COMMD1: variants seen among roughly 807,000 people sequenced by gnomAD.
COMMD1 encodes the protein COMM domain-containing protein 1.
A neutral mutation model predicts 17.2 loss-of-function variants in COMMD1; 10 were observed. That is an observed-to-expected ratio of 0.58 (90% CI 0.36 to 0.99). The LOEUF (loss-of-function observed/expected upper bound fraction) is 0.99, where lower values mean the gene tolerates loss of function less well. COMMD1 is among the 50% of genes least tolerant of loss of function. The pLI, the probability that COMMD1 is intolerant of heterozygous loss-of-function variation, is 0.01. For synonymous variants in COMMD1, 97 were observed against 91.6 expected (o/e 1.06, Z -0.34); for missense variants, 270 against 231.8 (o/e 1.17, Z -1.07).
chr2:62,063,132 G>T (rs1407397942), intron 2 of COMMD1, among the ~76,000 whole-genome samples: 2 of 152,170 alleles, frequency 1.3e-5, no homozygotes, highest in East Asian at 1.9e-4. Flanking sequence ...CAGGAGAATC[G>T]CTTGAACCCA....
chr2:62,105,652 C>G (rs1451968924), intron 2 of COMMD1, among the ~76,000 whole-genome samples: 1 of 152,108 alleles, frequency 6.6e-6, no homozygotes. Flanking sequence ...GGCAAACCCC[C>G]GTGTCTACTA....
chr2:61,889,994 A>C (rs2105150243), intron 1 of COMMD1, among the ~76,000 whole-genome samples: 1 of 152,318 alleles, frequency 6.6e-6, no homozygotes, highest in East Asian at 1.9e-4. Flanking sequence ...AGTAGATAGA[A>C]GCAGTATTCC....
At chr2:61,917,698 T>C (rs958401045) in intron 1 of COMMD1, among the ~76,000 whole-genome samples, 2 of 152,084 alleles carry the variant, frequency 1.3e-5, no homozygotes, top group African/African-American at 4.8e-5. Flanking sequence ...CGGCTAATTT[T>C]GTTTTTGCAT....
At chr2:62,086,828 A>G (rs1173635024) in intron 2 of COMMD1, among the ~76,000 whole-genome samples, 2 of 152,042 alleles carry the variant, frequency 1.3e-5, no homozygotes, top group Non-Finnish European at 2.9e-5. Flanking sequence ...ACAGCAATAT[A>G]ATATTGGAAG....
chr2:62,101,956 GTCAGCCTAT>G (rs1431506173), intron 2 of COMMD1, among the ~76,000 whole-genome samples: 59 of 152,168 alleles, frequency 3.9e-4, no homozygotes, highest in African/African-American at 1.4e-3. Context: ...CTCCCTGAAG[GTCAGCCTAT>G]AGTACTGAAA....
chr2:62,127,447 G>A (rs552082570), intron 2 of COMMD1, among the ~76,000 whole-genome samples: 4 of 152,108 alleles, frequency 2.6e-5, no homozygotes, highest in African/African-American at 9.7e-5. Flanking sequence ...GAACAAAGCC[G>A]AAGATATCAT....
intron 2 of COMMD1, among the ~76,000 whole-genome samples, chr2:62,048,423 C>G (rs1028906763): frequency 6.6e-6 from 1 of 151,776 alleles, no homozygotes; most frequent in Non-Finnish European, 1.5e-5. Context: ...CTCCTGACCT[C>G]GTGATCCGCC....
chr2:61,915,843 T>G (rs1290424629), intron 1 of COMMD1: 1 of 301,194 alleles, frequency 3.3e-6, no homozygotes, highest in African/African-American at 2.3e-5. Context: ...TTTTTTTGAT[T>G]ATTAAAAATA....
intron 2 of COMMD1, among the ~76,000 whole-genome samples, chr2:62,059,891 T>C (rs997221135): frequency 5.3e-5 from 8 of 152,270 alleles, no homozygotes; most frequent in African/African-American, 1.9e-4. Context: ...TATTTTGCTT[T>C]CTGTTTTTAT....
intron 2 of COMMD1, among the ~76,000 whole-genome samples, chr2:62,075,966 C>A (rs1422981935): frequency 6.6e-6 from 1 of 152,202 alleles, no homozygotes; most frequent in Non-Finnish European, 1.5e-5. Context: ...AGTTCCTAGA[C>A]CTTTTTCTCT....
chr2:62,042,669 G>C (rs1670264278), intron 2 of COMMD1, among the ~76,000 whole-genome samples: 1 of 152,246 alleles, frequency 6.6e-6, no homozygotes, highest in Non-Finnish European at 1.5e-5. Flanking sequence ...GCGACGGGCT[G>C]AAGGGCTCCT....
intron 1 of COMMD1, among the ~76,000 whole-genome samples, chr2:61,921,367 A>C (rs1286895358): frequency 1.3e-5 from 2 of 152,226 alleles, no homozygotes; most frequent in East Asian, 1.9e-4. Flanking sequence ...TCATTTACAG[A>C]AATATTGAAT....
intron 1 of COMMD1, among the ~76,000 whole-genome samples, chr2:61,916,710 A>G (rs146872909): frequency 6.4e-4 from 97 of 152,304 alleles, no homozygotes; most frequent in Non-Finnish European, 1.1e-3. Flanking sequence ...TACAGGCATA[A>G]GCCACCATGT....
chr2:61,951,965 G>A (rs1009010511), intron 1 of COMMD1, among the ~76,000 whole-genome samples: 1 of 152,106 alleles, frequency 6.6e-6, no homozygotes, highest in African/African-American at 2.4e-5. Flanking sequence ...TGTATCAATA[G>A]TTCATTCCTT....
chr2:61,968,763 GC>G (rs1413146954), intron 1 of COMMD1, among the ~76,000 whole-genome samples: 1 of 151,850 alleles, frequency 6.6e-6, no homozygotes, highest in Admixed American at 6.6e-5. Context: ...TCTCCATGTT[GC>G]CCAGGCTGGT....
chr2:62,005,404 C>T (rs1669083342), intron 2 of COMMD1, among the ~76,000 whole-genome samples: 1 of 152,150 alleles, frequency 6.6e-6, no homozygotes, highest in African/African-American at 2.4e-5. Context: ...TTCAGTTTGT[C>T]TGTATTACTT....
chr2:62,013,894 C>T lies in COMMD1; in HGVS notation c.462+12912C>T, dbSNP rs532894360. On this transcript the variant is annotated intron_variant, in intron 2 of 2. Coordinates refer to ENST00000311832, the MANE Select transcript of COMMD1 (RefSeq NM_152516.4). ...GAAAAATATGAAAGAAATCATTTAACATTTGGCAGTTAAGAAGATGTTGTT... is the reference window on the plus strand; with the variant it reads ...GAAAAATATGAAAGAAATCATTTAATATTTGGCAGTTAAGAAGATGTTGTT... Among the ~76,000 whole-genome samples the T allele has an allele frequency of 2.0e-5, 3 of 152,290 alleles. No homozygotes were observed. The South Asian group carries it at 6.2e-4, about 32-fold the overall frequency.
intron 1 of COMMD1, among the ~76,000 whole-genome samples, chr2:61,920,949 GTA>G (rs1296897387): frequency 7.9e-6 from 1 of 126,136 alleles, no homozygotes; most frequent in Non-Finnish European, 1.6e-5. Context: ...GTGTGTTTGT[GTA>G]TATATATATG....
chr2:61,902,088 C>A (rs575473725), upstream of COMMD1, among the ~76,000 whole-genome samples: 1 of 152,060 alleles, frequency 6.6e-6, no homozygotes, highest in East Asian at 1.9e-4. Context: ...ACCTTGGCCT[C>A]CCAAAGTTCT....
Sources: allele counts gnomAD v4.1 joint callset (sites outside exome capture counted in the v4.1 genomes callset), GRCh38; gene constraint gnomAD v4.1.1; transcripts MANE v1.5; gene names NCBI Gene and HGNC (gene_info 2026-07-23, HGNC 2026-07-21).